Variants in EML1 observed in about 807,000 individuals in gnomAD.
EML1 encodes EMAP like 1.
EML1 carries 27 observed loss-of-function variants against 110.4 expected under a neutral mutation model. The observed-to-expected ratio is 0.24, with a 90% CI of 0.18 to 0.34. EML1 has a LOEUF of 0.34. Among genes scored for constraint, EML1 ranks in the 10% least tolerant of loss-of-function variants. The pLI is 1.00. For missense variants in EML1, 741 were observed against 1,030.9 expected (o/e 0.72, Z 3.85); for synonymous variants, 344 against 385.8 (o/e 0.89, Z 1.27).
Position 99,815,603 on chromosome 14 carries a change from A to G in EML1, c.67+22060A>G, listed in dbSNP as rs537732103. On this transcript the variant is annotated intron_variant, in intron 1 of 21. Transcript: ENST00000262233. ...TGACTTTGTTAAAATGAAGATGAAT[A>G]GCTTTTTATTTTAGAGAGCCAAATT... Among the ~76,000 whole-genome samples the G allele has an allele frequency of 2.6e-5, 4 of 152,338 alleles. No individual in the cohort carries two copies. The South Asian group carries it at 8.3e-4, about 32-fold the overall frequency.
chr14:99,851,069 A>C, intron 2 of EML1, 34 bp downstream of exon 2: 1 of 1,587,806 alleles, frequency 6.3e-7, no homozygotes, highest in South Asian at 1.1e-5. Flanking sequence ...ACTTCAGTAG[A>C]ATTGGTCTCG....
At chr14:99,909,999 A>G (rs2059920301) in intron 11 of EML1, among the ~76,000 whole-genome samples, 1 of 152,060 alleles carries the variant, frequency 6.6e-6, no homozygotes, top group Admixed American at 6.6e-5. Flanking sequence ...CTGCAGCTTT[A>G]TGATTCCCCA....
intron 1 of EML1, among the ~76,000 whole-genome samples, chr14:99,738,172 A>G (rs1398007443): frequency 6.6e-6 from 1 of 152,134 alleles, no homozygotes; most frequent in African/African-American, 2.4e-5. Flanking sequence ...GACGGGACCC[A>G]TGGGTGGGCT....
At chr14:99,755,555 G>A (rs2057240216) in intron 1 of EML1, among the ~76,000 whole-genome samples, 1 of 152,172 alleles carries the variant, frequency 6.6e-6, no homozygotes, top group Admixed American at 6.5e-5. Context: ...GTGGAGGGGA[G>A]AGCTGGGGGC....
At chr14:99,780,022 T>A (rs1350757293) in intron 1 of EML1, among the ~76,000 whole-genome samples, 2 of 152,176 alleles carry the variant, frequency 1.3e-5, no homozygotes, top group Non-Finnish European at 2.9e-5. Context: ...AGTGCCAGCA[T>A]GGTTGGTTCC....
chr14:99,909,786 A>G (rs2059915856), intron 11 of EML1, among the ~76,000 whole-genome samples: 1 of 152,186 alleles, frequency 6.6e-6, no homozygotes, highest in African/African-American at 2.4e-5. Flanking sequence ...AAAAGACATT[A>G]GAGACTCCCT....
At position 99,939,324 on chromosome 14, in the gene EML1, C is replaced by T; in HGVS notation, c.2319C>T (p.Phe773=). 1 of 1,614,204 alleles carries T rather than the reference C, an allele frequency of 6.2e-7. No homozygotes were observed. ...VHLFSYPCSQ[F]RAPSHIYGGH... Reference sequence around the variant, plus strand: ...TCTTCTCATACCCCTGCTCGCAGTTCAGGGTAAAGGACTTGTTTCTTCACT... The same window carrying T: ...TCTTCTCATACCCCTGCTCGCAGTTTAGGGTAAAGGACTTGTTTCTTCACT... Residue 773 remains phenylalanine, a synonymous_variant, in exon 21 of 22, where the codon TTC becomes TTT. Transcript: ENST00000262233. This position sits in a 1 kb window ranked among gnomAD's most constrained non-coding sequence, Gnocchi z 4.2.
intron 1 of EML1, among the ~76,000 whole-genome samples, chr14:99,812,973 TA>T (rs1177518853): frequency 1.3e-5 from 2 of 152,152 alleles, no homozygotes; most frequent in Non-Finnish European, 2.9e-5. Flanking sequence ...ATTTACTCTG[TA>T]AAAAATCTGT....
At chr14:99,913,074 T>A (rs1002136260) in intron 13 of EML1, among the ~76,000 whole-genome samples, 5 of 152,204 alleles carry the variant, frequency 3.3e-5, no homozygotes, top group Non-Finnish European at 7.3e-5. Flanking sequence ...CTCTTAACAT[T>A]TAGATTATTC....
intron 17 of EML1, among the ~76,000 whole-genome samples, chr14:99,923,589 A>AAACC (rs2060169173): frequency 6.6e-6 from 1 of 152,366 alleles, no homozygotes; most frequent in African/African-American, 2.4e-5. Flanking sequence ...CTTTTGTCAA[A>AAACC]AATCAATCGA....
intron 3 of EML1, among the ~76,000 whole-genome samples, chr14:99,871,597 G>T (rs935490764): frequency 2.2e-4 from 34 of 152,108 alleles, no homozygotes; most frequent in Non-Finnish European, 5.9e-5. Flanking sequence ...GGAAGAAGAT[G>T]ATTTCAGCCC....
intron 2 of EML1, among the ~76,000 whole-genome samples, chr14:99,860,045 G>A (rs1037540997): frequency 3.3e-5 from 5 of 152,084 alleles, no homozygotes; most frequent in South Asian, 2.1e-4. Context: ...CGTGTGCTGT[G>A]TCTTCCAGCT....
Position 99,914,164 on chromosome 14 carries a change from GA to G in EML1, c.1495-14del. Reference sequence around the variant, plus strand: ...AATTGTACATCTTTTCTTTTCATATGACTTTTCAATGCAGATTCCAGAACAG... The same window carrying G: ...AATTGTACATCTTTTCTTTTCATATGCTTTTCAATGCAGATTCCAGAACAG... On this transcript the variant is annotated splice_polypyrimidine_tract_variant and intron_variant, in intron 13 of 21. Transcript: ENST00000262233. 6.3e-7 allele frequency: 1 copy of G among 1,592,370 alleles called. No individual in the cohort carries two copies. Among genetic ancestry groups the G allele is most frequent in the Non-Finnish European group, 8.6e-7 (1 of 1,163,900 alleles).
intron 1 of EML1, among the ~76,000 whole-genome samples, chr14:99,738,313 G>T (rs1314363114): frequency 6.6e-6 from 1 of 152,248 alleles, no homozygotes; most frequent in Non-Finnish European, 1.5e-5. Context: ...CCCTGGTCCG[G>T]CAGCACCAGG....
At chr14:99,819,276 C>T (rs1047590199) in intron 1 of EML1, among the ~76,000 whole-genome samples, 5 of 152,154 alleles carry the variant, frequency 3.3e-5, no homozygotes, top group South Asian at 2.1e-4. Context: ...TTAAATGTAA[C>T]ATACTAAACA....
chr14:99,847,266 C>A (rs2058721168), intron 1 of EML1, among the ~76,000 whole-genome samples: 1 of 152,168 alleles, frequency 6.6e-6, no homozygotes, highest in Non-Finnish European at 1.5e-5. Flanking sequence ...GTATGCACTG[C>A]TATTGTTAGC....
At chr14:99,826,507 C>T (rs1289549984) in intron 1 of EML1, among the ~76,000 whole-genome samples, 3 of 152,126 alleles carry the variant, frequency 2.0e-5, no homozygotes, top group African/African-American at 4.8e-5. Context: ...GTCTTGCCAA[C>T]TCACTCCTCC....
rs745465783 is a variant in EML1, at chr14:99,905,703, G to A, written c.1009-1935G>A. ...CCCAAAGATGATAATAGCAGTTAAC[G>A]TCCCATAGTGCCAAGCCTGTTCTTA... On this transcript the variant is annotated intron_variant, in intron 9 of 21. Transcript: ENST00000262233. The surrounding 1 kb of genome is among the most constrained non-coding windows in gnomAD (Gnocchi z 4.1). Among the ~76,000 whole-genome samples the A allele has an allele frequency of 6.6e-5, 10 of 152,096 alleles. No individual in the cohort carries two copies. Among genetic ancestry groups the A allele is most frequent in the East Asian group, 1.9e-4 (1 of 5,180 alleles).
rs909742315 is a variant in EML1, at chr14:99,901,110, G to C, written c.1008+71G>C. On this transcript the variant is annotated intron_variant, in intron 9 of 21. Transcript: ENST00000262233. ...TAGAGAATCAACTCAGGGTTGAAGA[G>C]GGGGAGTTGACACACTCGATACCTG... is the stretch of plus-strand genomic sequence containing the variant. 1.2e-5 allele frequency: 16 copies of C among 1,361,304 alleles called. No individual in the cohort carries two copies. The African/African-American group carries it at 1.6e-4, about 13-fold the overall frequency. The allele number at this position is 1,361,304 out of a possible 1,614,324, so 84.3% of individuals were successfully genotyped here. A position where few individuals can be genotyped will look rare whatever the true frequency, so the allele number is the denominator to read the frequency against.
Sources: gnomAD v4.1 joint callset for allele counts (sites outside exome capture counted in the v4.1 genomes callset) on GRCh38, gnomAD v4.1.1 for gene constraint, Gnocchi (gnomAD v3.1) non-coding constraint, MANE v1.5 for transcripts, NCBI Gene and HGNC (gene_info 2026-07-23, HGNC 2026-07-21) for gene names.